Variants in SLC16A3 observed in about 807,000 individuals in gnomAD.
The protein encoded by SLC16A3 is monocarboxylate transporter 4.
In SLC16A3, 22 loss-of-function variants were observed where a neutral mutation model predicts 25.0. The ratio of observed to expected loss-of-function variants is 0.88; its 90% CI spans 0.63 to 1.26. SLC16A3 has a LOEUF of 1.26. Among genes scored for constraint, SLC16A3 ranks in the 50% most tolerant of loss-of-function variants. SLC16A3 has a pLI of 0.00. For missense variants in SLC16A3, 731 were observed against 666.6 expected (o/e 1.10, Z -1.06); for synonymous variants, 390 against 309.2 (o/e 1.26, Z -2.74).
At chr17:82,219,645 C>T (rs1043204166) in intron 1 of SLC16A3, among the ~76,000 whole-genome samples, 9 of 152,076 alleles carry the variant, frequency 5.9e-5, no homozygotes, top group African/African-American at 2.2e-4. Context: ...TGGACTGCTC[C>T]CCCACTGCTT....
upstream of SLC16A3, among the ~76,000 whole-genome samples, chr17:82,225,624 C>T (rs965979734): frequency 5.9e-5 from 9 of 152,336 alleles, no homozygotes; most frequent in Middle Eastern, 0.01. Flanking sequence ...ATGTCCTTCC[C>T]CGTGACTCGG....
intron 1 of SLC16A3, chr17:82,229,313 GC>G (rs1200377270): frequency 6.6e-6 from 1 of 152,128 alleles, no homozygotes; most frequent in Admixed American, 6.5e-5. Flanking sequence ...GCCCCTCCGC[GC>G]CCTCGCATAC....
At chr17:82,227,216 C>T (rs1599550132), upstream of SLC16A3, among the ~76,000 whole-genome samples, 2 of 152,280 alleles carry the variant, frequency 1.3e-5, no homozygotes, top group South Asian at 4.1e-4. Flanking sequence ...AAAACCTGGC[C>T]CTGGCAGGGG....
chr17:82,232,658 C>G (rs2050516250), intron 1 of SLC16A3, among the ~76,000 whole-genome samples: 1 of 152,210 alleles, frequency 6.6e-6, no homozygotes, highest in Non-Finnish European at 1.5e-5. Flanking sequence ...CCTTGCAGAG[C>G]CCTGCGCCCT....
Position 82,219,328 on chromosome 17 carries a change from C to T in SLC16A3, c.-27+1144C>T, listed in dbSNP as rs931082484. Among the ~76,000 whole-genome samples, 3 of 152,016 alleles carry T rather than the reference C, an allele frequency of 2.0e-5. No homozygotes were observed. In the South Asian group the frequency reaches 6.2e-4, roughly 31 times the overall value. On this transcript the variant is annotated intron_variant, in intron 1 of 4. Coordinates refer to the SLC16A3 transcript ENST00000580098. ...CAGCAGCACACTTTGCTGGTGCCAC[C>T]TGGGAAGGTGCCCACCCATCTCCAA...
intron 4 of SLC16A3, 48 bp from the exon 5 acceptor site, chr17:82,238,654 T>TG (rs754944335): frequency 1.9e-6 from 3 of 1,549,110 alleles, no homozygotes; most frequent in Non-Finnish European, 2.6e-6. Context: ...CCGTGGGCCC[T>TG]GGGGGCAGCC....
rs1263895695 is a variant in SLC16A3 at position 82,237,901 on chromosome 17, C to T, written c.1123+8C>T. 6.3e-7 allele frequency: 1 copy of T among 1,595,868 alleles called. No individual in the cohort carries two copies. The highest frequency in any genetic ancestry group is 8.5e-7 in the Non-Finnish European group (1 of 1,178,742). ...TCGGGCCCCCTTCGGGAGGTGAGCG[C>T]TGCGCCCCCAGGCAGTTCCCCACAC... On this transcript the variant is annotated splice_region_variant and intron_variant, in intron 4 of 4. Transcript: ENST00000582743.
At chr17:82,231,735 T>TCCTGGC (rs906999767) in intron 1 of SLC16A3, 3 of 152,298 alleles carry the variant, frequency 2.0e-5, no homozygotes, top group East Asian at 1.9e-4. Flanking sequence ...CAGTGGGGGC[T>TCCTGGC]CCTGGCCCTG....
In SLC16A3 at chr17:82,239,365, C is replaced by T. The variant is rs544798214; in HGVS notation, c.*389C>T. The T allele has an allele frequency of 1.3e-3, 242 of 192,696 alleles. No homozygotes were observed. Among genetic ancestry groups the T allele is most frequent in the African/African-American group, 5.1e-3 (219 of 43,056 alleles). The allele number at this position is 192,696 out of a possible 1,614,324, so 11.9% of individuals were successfully genotyped here. ...GTGCTGCGTGGGGCCCTCTCCAGCC[C>T]GTCCTACCCTGGGCTCACATGGGGC... On this transcript the variant is annotated 3_prime_UTR_variant, in exon 5 of 5. Transcript: ENST00000582743.
chr17:82,235,721 C>G (rs556427293), intron 1 of SLC16A3: 4 of 519,400 alleles, frequency 7.7e-6, no homozygotes, highest in Non-Finnish European at 1.4e-5. Context: ...GAGTCCTGGC[C>G]GAGCCCAAAA....
upstream of SLC16A3, among the ~76,000 whole-genome samples, chr17:82,228,158 C>T (rs1332968840): frequency 2.6e-5 from 4 of 152,268 alleles, no homozygotes; most frequent in Admixed American, 6.5e-5. Context: ...TCCAGGCCAA[C>T]AAAGGCCTTA....
chr17:82,228,895 C>A, upstream of SLC16A3: 1 of 150,272 alleles, frequency 6.7e-6, no homozygotes, highest in South Asian at 1.9e-4. Context: ...GACGCGCCGT[C>A]GGGGAGCTGC....
chr17:82,234,200 C>CT (rs2050557990), intron 1 of SLC16A3: 5 of 152,244 alleles, frequency 3.3e-5, no homozygotes, highest in Admixed American at 3.3e-4. Context: ...TCTTAGGGAC[C>CT]TTTTAAACAA....
chr17:82,233,996 G>T (rs892112650), intron 1 of SLC16A3: 5 of 152,110 alleles, frequency 3.3e-5, no homozygotes, highest in African/African-American at 9.7e-5. Flanking sequence ...GCCTGCCACT[G>T]CGCCCAGCTA....
Position 82,236,816 on chromosome 17 carries a change from C to A in SLC16A3, c.311C>A (p.Ala104Asp). ...CTCTTTGCGTCGCTGGGCATGGTGGCTGCGTCCTTTTGCCGGAGCATCATC... is the reference window on the plus strand; with the variant it reads ...CTCTTTGCGTCGCTGGGCATGGTGGATGCGTCCTTTTGCCGGAGCATCATC... Reference protein sequence around the residue: ...GGLFASLGMVAASFCRSIIQV... With the variant: ...GGLFASLGMVDASFCRSIIQV... Residue 104 changes from alanine (A) to aspartate (D), a missense_variant, in exon 3 of 5, where the codon GCT becomes GAT. Ala to Asp is a moderately radical substitution (Grantham distance 126, BLOSUM62 -2). Transcript: ENST00000582743. 1 of 1,608,416 alleles carries A rather than the reference C, an allele frequency of 6.2e-7. No homozygotes were observed. Among genetic ancestry groups the A allele is most frequent in the South Asian group, 1.1e-5 (1 of 91,082 alleles).
In SLC16A3 at chr17:82,235,994, C is replaced by T; in HGVS notation, c.-15C>T. On this transcript the variant is annotated 5_prime_UTR_variant, in exon 2 of 5. Coordinates refer to ENST00000582743, the MANE Select transcript of SLC16A3 (RefSeq NM_004207.4). ...GCTTTCTCTCTCAGGTGAGGCGGAA[C>T]CAACCCTCCTGGCCATGGGAGGGGC... The T allele has an allele frequency of 1.2e-6, 2 of 1,605,976 alleles. No homozygotes were observed. The highest frequency in any genetic ancestry group is 2.2e-5 in the East Asian group (1 of 44,766).
At chr17:82,225,258 CA>C (rs1289133333), upstream of SLC16A3, among the ~76,000 whole-genome samples, 3 of 150,034 alleles carry the variant, frequency 2.0e-5, no homozygotes, top group East Asian at 2.0e-4. Context: ...GAGACTCTGT[CA>C]AAAAAAAATA....
At chr17:82,223,140 G>A (rs371780268) in intron 1 of SLC16A3, among the ~76,000 whole-genome samples, 5 of 152,158 alleles carry the variant, frequency 3.3e-5, no homozygotes, top group East Asian at 1.9e-4. Context: ...GCCCTCTACC[G>A]TAACCGTGTG....
chr17:82,229,088 G>C lies in SLC16A3; in HGVS notation c.-45G>C, dbSNP rs1440994543. On this transcript the variant is annotated 5_prime_UTR_variant, in exon 1 of 5. Transcript: ENST00000582743. The stretch of plus-strand genomic sequence containing the variant: ...CGAGAGGCGGCGAGAGGCGGGCTGA[G>C]GCGGCCCAGCGGCGGCAGGTAGGCG... 1 of 150,472 alleles carries C rather than the reference G, an allele frequency of 6.6e-6. No individual in the cohort carries two copies. The highest frequency in any genetic ancestry group is 1.5e-5 in the Non-Finnish European group (1 of 67,074). The allele number at this position is 150,472 out of a possible 1,614,324, so 9.3% of individuals were successfully genotyped here.
Sources: allele counts gnomAD v4.1 joint callset (sites outside exome capture counted in the v4.1 genomes callset), GRCh38; gene constraint gnomAD v4.1.1; transcripts MANE v1.5; gene names NCBI Gene and HGNC (gene_info 2026-07-23, HGNC 2026-07-21).